CEP170: variants seen among roughly 807,000 people sequenced by gnomAD.
CEP170 encodes the protein centrosomal protein of 170 kDa.
Under a neutral mutation model 151.9 loss-of-function variants are expected in CEP170, and 21 were observed. The ratio of observed to expected loss-of-function variants is 0.14; its 90% CI spans 0.10 to 0.20. The LOEUF is 0.20. Among genes scored for constraint, CEP170 ranks in the 10% least tolerant of loss-of-function variants. The pLI, the probability that CEP170 is intolerant of heterozygous loss-of-function variation, is 1.00. For synonymous variants in CEP170, 356 were observed against 648.8 expected, an observed-to-expected ratio of 0.55 and a Z score of 6.86; for missense variants, 964 against 1,892.9, an observed-to-expected ratio of 0.51 and a Z score of 9.11.
At chr1:243,164,134 C>G (rs1486681631) in intron 13 of CEP170, 150 bp downstream of exon 13, 35 of 1,017,482 alleles carry the variant, frequency 3.4e-5, no homozygotes, top group Non-Finnish European at 4.3e-5. Context: ...TTTATAGACC[C>G]CCCACCGCCG....
chr1:243,250,132 C>T (rs564221938), intron 1 of CEP170, among the ~76,000 whole-genome samples: 1 of 152,240 alleles, frequency 6.6e-6, no homozygotes, highest in South Asian at 2.1e-4. Context: ...AAAAACCCAT[C>T]CGAATGGTTT....
chr1:243,156,084 C>A, intron 14 of CEP170, 137 bp downstream of exon 14: 2 of 1,230,862 alleles, frequency 1.6e-6, no homozygotes, highest in South Asian at 1.6e-5. Context: ...ATACTACTGA[C>A]TAAACGGAGT....
chr1:243,135,160 G>T (rs895530838), intron 17 of CEP170, among the ~76,000 whole-genome samples: 17 of 152,074 alleles, frequency 1.1e-4, no homozygotes, highest in Admixed American at 2.6e-4. Context: ...TATTCTTTTA[G>T]GAGGCAATAA....
intron 7 of CEP170, among the ~76,000 whole-genome samples, chr1:243,192,092 G>A (rs185497914): frequency 6.6e-6 from 1 of 152,158 alleles, no homozygotes; most frequent in East Asian, 1.9e-4. Flanking sequence ...GCTGAAGTGC[G>A]ATCCTTGCAA....
At chr1:243,202,398 C>T (rs976571630) in intron 4 of CEP170, among the ~76,000 whole-genome samples, 1 of 152,096 alleles carries the variant, frequency 6.6e-6, no homozygotes, top group Non-Finnish European at 1.5e-5. Context: ...CCAGACTTCA[C>T]CCTTGCACAA....
intron 7 of CEP170, among the ~76,000 whole-genome samples, chr1:243,197,470 AC>A (rs772308864): frequency 6.0e-4 from 92 of 152,158 alleles, no homozygotes; most frequent in Admixed American, 1.6e-3. Flanking sequence ...TAAGCAGGTG[AC>A]CCTCTCCTGA....
intron 4 of CEP170, among the ~76,000 whole-genome samples, chr1:243,206,042 A>T (rs1048820639): frequency 2.6e-5 from 4 of 152,324 alleles, no homozygotes; most frequent in Admixed American, 2.6e-4. Context: ...AAAGCCAGGG[A>T]CAAAGGAAAA....
chr1:243,173,533 C>T, intron 10 of CEP170, among the ~76,000 whole-genome samples: 1 of 151,318 alleles, frequency 6.6e-6, no homozygotes. Context: ...GTCAGGAGTT[C>T]CGGACCAGCC....
intron 4 of CEP170, 46 bp from the exon 5 acceptor site, chr1:243,200,881 G>A (rs759336641): frequency 1.9e-6 from 3 of 1,576,420 alleles, no homozygotes; most frequent in East Asian, 2.2e-5. Flanking sequence ...TCTGATAATT[G>A]AGCTAAAAAT....
At position 243,152,521 on chromosome 1, in the gene CEP170, ATTTTT is replaced by A. The variant is rs371392454; in HGVS notation, c.3911+3695_3911+3699del. Among the ~76,000 whole-genome samples, 70 of 54,950 alleles carry A rather than the reference ATTTTT, an allele frequency of 1.3e-3. 1 individual carries two copies. The highest frequency in any genetic ancestry group is 4.8e-3 in the African/African-American group (64 of 13,266). 36.0% of individuals were successfully genotyped at this position (54,950 alleles called of 152,430 possible). ...CAGGCGTGAGCCACCGCGCCCAGCC[ATTTTT>A]TTTTTTTTTTTTTTTTTTTTTTTGA... is the stretch of plus-strand genomic sequence containing the variant. On this transcript the variant is annotated intron_variant, in intron 14 of 19. Coordinates refer to ENST00000366542, the MANE Select transcript of CEP170 (RefSeq NM_014812.3).
intron 2 of CEP170, among the ~76,000 whole-genome samples, chr1:243,224,322 T>G (rs753693746): frequency 8.5e-5 from 13 of 152,218 alleles, no homozygotes; most frequent in Non-Finnish European, 1.6e-4. Context: ...AAACTTCTGG[T>G]AAGAATGAAA....
At position 243,186,349 on chromosome 1, in the gene CEP170, T is replaced by G. The variant is rs757382495; in HGVS notation, c.1182A>C (p.Ala394=). ...AGAHRRCSKR[A]TLEEHLRRHH... is the part of the protein sequence containing the mutation. ...GGCGTCTTAAGTGTTCCTCAAGAGT[T>G]GCACGTTTGCTACAGCGCCTGTGAG... The change falls in exon 9 of 20, where the codon GCA becomes GCC. Residue 394 remains alanine, a synonymous_variant. Transcript: ENST00000366542. 3.0e-5 allele frequency: 48 copies of G among 1,613,662 alleles called. 1 individual carries two copies. Among genetic ancestry groups the G allele is most frequent in the Non-Finnish European group, 4.0e-5 (47 of 1,179,720 alleles).
chr1:243,225,354 A>G, intron 1 of CEP170, 33 bp from the exon 2 acceptor site: 1 of 867,636 alleles, frequency 1.2e-6, no homozygotes, highest in Non-Finnish European at 1.7e-6. Flanking sequence ...ATATACGTTC[A>G]GATATTTTTA....
chr1:243,233,922 T>C (rs940350372), intron 1 of CEP170, among the ~76,000 whole-genome samples: 1 of 151,828 alleles, frequency 6.6e-6, no homozygotes, highest in Non-Finnish European at 1.5e-5. Context: ...AACTACAAAA[T>C]AGTGCACCAT....
intron 14 of CEP170, among the ~76,000 whole-genome samples, chr1:243,152,590 G>A (rs984726227): frequency 7.1e-5 from 9 of 126,848 alleles, no homozygotes; most frequent in Admixed American, 4.6e-4. Context: ...GGAGTGCAGC[G>A]GCACAATCTC....
chr1:243,245,421 A>C (rs1326283342), intron 1 of CEP170, among the ~76,000 whole-genome samples: 1 of 152,108 alleles, frequency 6.6e-6, no homozygotes, highest in Non-Finnish European at 1.5e-5. Context: ...CTCTATAAAA[A>C]AATAAAAAAC....
intron 12 of CEP170, among the ~76,000 whole-genome samples, chr1:243,167,670 A>T (rs866688220): frequency 6.6e-6 from 1 of 151,910 alleles, no homozygotes; most frequent in African/African-American, 2.4e-5. Context: ...TACAATCCTA[A>T]AAGTTTAGTA....
At chr1:243,141,947 T>A (rs2728234) in intron 15 of CEP170, among the ~76,000 whole-genome samples, 1 of 152,096 alleles carries the variant, frequency 6.6e-6, no homozygotes, top group Non-Finnish European at 1.5e-5. Context: ...GATAAAAATA[T>A]TTTTAATTGG....
chr1:243,203,974 T>C (rs1489001252), intron 4 of CEP170, among the ~76,000 whole-genome samples: 1 of 152,154 alleles, frequency 6.6e-6, no homozygotes, highest in Non-Finnish European at 1.5e-5. Flanking sequence ...TTTTAGGAGA[T>C]GATTATCTTT....
Sources: allele counts gnomAD v4.1 joint callset (sites outside exome capture counted in the v4.1 genomes callset), GRCh38; gene constraint gnomAD v4.1.1; transcripts MANE v1.5; gene names NCBI Gene and HGNC (gene_info 2026-07-23, HGNC 2026-07-21).